The following ZP2 variants were observed in gnomAD, a reference collection of about 807,000 sequenced individuals.
ZP2 encodes the protein zona pellucida sperm-binding protein 2.
In ZP2, 51 loss-of-function variants were observed where a neutral mutation model predicts 84.0. The ratio of observed to expected loss-of-function variants is 0.61; its 90% confidence interval spans 0.49 to 0.77. The LOEUF is 0.77. Ranked by LOEUF, ZP2 falls within the 30% of genes least tolerant of loss-of-function variation. The probability of loss-of-function intolerance (pLI) is 0.00; values close to 1 mark genes in which losing one functional copy is unlikely to be tolerated. For synonymous variants in ZP2, 375 were observed against 330.9 expected, an observed-to-expected ratio of 1.13 and a Z score of -1.45; for missense variants, 909 against 911.9, an observed-to-expected ratio of 1.00 and a Z score of 0.04.
At chr16:21,214,108 G>T (rs8044116), upstream of ZP2, 247,117 of 411,678 alleles carry the variant, frequency 0.6, 75,034 homozygotes, top group Admixed American at 0.64. Context: ...CCCCAAATTT[G>T]GGGTTTCTAA....
At chr16:21,204,268 A>G (rs771799922) in intron 8 of ZP2, 40 bp downstream of exon 8, 2 of 1,613,930 alleles carry the variant, frequency 1.2e-6, no homozygotes, top group South Asian at 2.2e-5. Flanking sequence ...TTCTAGGACA[A>G]TGTCTCCCAC....
intron 10 of ZP2, 82 bp downstream of exon 10, chr16:21,203,043 C>G: frequency 6.6e-7 from 1 of 1,517,824 alleles, no homozygotes; most frequent in South Asian, 1.3e-5. Flanking sequence ...AGATCAGAAT[C>G]TGACCTTCTA....
At position 21,197,548 on chromosome 16, in the gene ZP2, C is replaced by T. The variant is rs751101421; in HGVS notation, c.2170G>A (p.Ala724Thr). Reference protein sequence around the residue: ...SKAVAAVAAFAGVVATLGFIY... With the variant: ...SKAVAAVAAFTGVVATLGFIY... ...AAGCCTAGAGTTGCCACCACACCTG[C>T]AAAGGCAGCCACAGCAGCCACAGCT... The change falls in exon 19 of 19, where the codon GCA becomes ACA. Residue 724 changes from alanine to threonine, a missense_variant. By Grantham distance (58) the Ala-to-Thr change is moderately conservative. Transcript: ENST00000574091. 2 of 1,614,064 alleles carry T rather than the reference C, an allele frequency of 1.2e-6. No homozygotes were observed. The highest frequency in any genetic ancestry group is 2.2e-5 in the East Asian group (1 of 44,900).
In ZP2 at chr16:21,211,359, C is replaced by T. The variant is rs773678734; in HGVS notation, c.99G>A (p.Val33=). 3.1e-6 allele frequency: 5 copies of T among 1,613,982 alleles called. No individual in the cohort carries two copies. In the African/African-American group the frequency reaches 5.3e-5, roughly 17 times the overall value. ...YRSISLFFAL[V]TSGNSIDVSQ... is the part of the protein sequence containing the mutation. ...AAACATCTATGGAGTTCCCTGAAGTCACAAGGGCGAAGAAGAGAGAAATCG... is the reference window on the plus strand; with the variant it reads ...AAACATCTATGGAGTTCCCTGAAGTTACAAGGGCGAAGAAGAGAGAAATCG... The change falls in exon 2 of 19, where the codon GTG becomes GTA. Residue 33 remains valine, a synonymous_variant. Transcript: ENST00000574091.
chr16:21,201,198 CA>C (rs1273389784), intron 14 of ZP2, among the ~76,000 whole-genome samples, 170 bp downstream of exon 14: 1 of 119,972 alleles, frequency 8.3e-6, no homozygotes, highest in Non-Finnish European at 1.7e-5. Context: ...GACCCCATCT[CA>C]AAACAAAAAA....
intron 7 of ZP2, among the ~76,000 whole-genome samples, 198 bp from the exon 8 acceptor site, chr16:21,204,602 G>A (rs1490972943): frequency 6.6e-6 from 1 of 152,238 alleles, no homozygotes; most frequent in Non-Finnish European, 1.5e-5. Flanking sequence ...CTGGAAGAAT[G>A]TTGTCTAGAT....
rs773028658 is a variant in ZP2 at position 21,202,021 on chromosome 16, G to A, written c.1290C>T (p.Phe430=). The change falls in exon 12 of 19, where the codon TTC becomes TTT. Residue 430 remains phenylalanine, a splice_region_variant and synonymous_variant. Transcript: ENST00000574091. ...TTTCATAGACGACTTTATCATCTTC[G>A]AACTTAAATGTCAGAGAAAGTGGGT... ...PLNGCGTRYK[F]EDDKVVYENE... is the part of the protein sequence containing the mutation. 15 of 1,613,712 alleles carry A rather than the reference G, an allele frequency of 9.3e-6. No homozygotes were observed. The highest frequency in any genetic ancestry group is 1.6e-4 in the Middle Eastern group (1 of 6,082).
At chr16:21,208,261 T>TGC (rs1352811901) in intron 4 of ZP2, among the ~76,000 whole-genome samples, 3 of 152,230 alleles carry the variant, frequency 2.0e-5, no homozygotes, top group Middle Eastern at 3.2e-3. Flanking sequence ...GGTTATGGCT[T>TGC]GCAGACCCTT....
chr16:21,206,548 A>G (rs1488967524), intron 5 of ZP2, among the ~76,000 whole-genome samples: 1 of 152,178 alleles, frequency 6.6e-6, no homozygotes, highest in Non-Finnish European at 1.5e-5. Context: ...TTGTCAGATG[A>G]TTAGTGTGAG....
intron 16 of ZP2, among the ~76,000 whole-genome samples, 179 bp from the exon 17 acceptor site, chr16:21,199,041 G>A (rs959001161): frequency 1.3e-5 from 2 of 152,176 alleles, no homozygotes; most frequent in African/African-American, 2.4e-5. Flanking sequence ...GGGGTTGGGT[G>A]TGGTGGCTCA....
At chr16:21,205,364 A>T (rs150064222) in intron 7 of ZP2, 56 bp downstream of exon 7, 36 of 1,582,874 alleles carry the variant, frequency 2.3e-5, no homozygotes, top group Non-Finnish European at 2.8e-5. Context: ...ATCATGCTTC[A>T]ATTTAGGAAT....
rs1288424131 is a variant in ZP2, at chr16:21,198,876, A to G, written c.1928-14T>C. On this transcript the variant is annotated splice_polypyrimidine_tract_variant and intron_variant, in intron 16 of 18. Coordinates refer to ENST00000574091, the MANE Select transcript of ZP2 (RefSeq NM_001376232.1). ...TGGCCCCTGTGGCTGGAGACAGATG[A>G]TCAAGTTTGTGTTTGGCCTCTGGAA... 8 of 1,612,484 alleles carry G rather than the reference A, an allele frequency of 5.0e-6. No homozygotes were observed. Among genetic ancestry groups the G allele is most frequent in the Admixed American group, 1.7e-5 (1 of 59,894 alleles).
chr16:21,209,227 A>C (rs1355533632), intron 4 of ZP2, among the ~76,000 whole-genome samples: 2 of 152,078 alleles, frequency 1.3e-5, no homozygotes, highest in Non-Finnish European at 2.9e-5. Flanking sequence ...AGGGCAATGG[A>C]GCAATCTCAG....
chr16:21,202,297 C>T lies in ZP2; in HGVS notation c.1100-6G>A, dbSNP rs756868667. 4.0e-6 allele frequency: 6 copies of T among 1,498,572 alleles called. No individual in the cohort carries two copies. Among genetic ancestry groups the T allele is most frequent in the Non-Finnish European group, 5.3e-6 (6 of 1,127,374 alleles). 92.8% of individuals were successfully genotyped at this position (1,498,572 alleles called of 1,614,324 possible). A position where few individuals can be genotyped will look rare whatever the true frequency, so the allele number is the denominator to read the frequency against. On this transcript the variant is annotated splice_region_variant and splice_polypyrimidine_tract_variant and intron_variant, in intron 10 of 18. Transcript: ENST00000574091. ...GGTGCACAGCTCCCCTGTAACTAGA[C>T]AGCGGTGAAAGTTTAGAGAAAATAA... is the stretch of plus-strand genomic sequence containing the variant.
At chr16:21,203,513 C>G (rs1024431654) in intron 9 of ZP2, among the ~76,000 whole-genome samples, 1 of 152,182 alleles carries the variant, frequency 6.6e-6, no homozygotes, top group African/African-American at 2.4e-5. Context: ...ATTAGCAGAT[C>G]AAATTCCAAA....
At chr16:21,208,620 A>G (rs922202629) in intron 4 of ZP2, among the ~76,000 whole-genome samples, 2 of 152,206 alleles carry the variant, frequency 1.3e-5, no homozygotes, top group Non-Finnish European at 1.5e-5. Context: ...ATTGCTCCTA[A>G]TATTCCTGAT....
intron 16 of ZP2, among the ~76,000 whole-genome samples, chr16:21,199,345 G>C (rs894841178): frequency 1.3e-5 from 1 of 77,620 alleles, no homozygotes; most frequent in Non-Finnish European, 2.4e-5. Context: ...AAAAAAAAAA[G>C]GATAGATTCT....
chr16:21,204,353 G>A lies in ZP2; in HGVS notation c.745C>T (p.Pro249Ser), dbSNP rs745316365. The change falls in exon 8 of 19, where the codon CCT becomes TCT. Residue 249 changes from proline to serine, a missense_variant. Coordinates refer to ENST00000574091, the MANE Select transcript of ZP2 (RefSeq NM_001376232.1). ...GAAGAGAAGATCACCTTCTGTCCAGGAGATATAAATGTAAGCTTCAGAGAC... is the reference window on the plus strand; with the variant it reads ...GAAGAGAAGATCACCTTCTGTCCAGAAGATATAAATGTAAGCTTCAGAGAC... ...MVSLKLTFIS[P>S]GQKVIFSSQA... is the part of the protein sequence containing the mutation. 1.9e-6 allele frequency: 3 copies of A among 1,613,900 alleles called. No homozygotes were observed. The African/African-American group carries it at 4.0e-5, about 22-fold the overall frequency.
intron 3 of ZP2, 47 bp from the exon 4 acceptor site, chr16:21,209,772 G>T: frequency 6.5e-7 from 1 of 1,548,300 alleles, no homozygotes; most frequent in East Asian, 2.2e-5. Flanking sequence ...GTACATTTCA[G>T]TGACAGTCCA....
Sources: allele counts gnomAD v4.1 joint callset (sites outside exome capture counted in the v4.1 genomes callset), GRCh38; gene constraint gnomAD v4.1.1; transcripts MANE v1.5; gene names NCBI Gene and HGNC (gene_info 2026-07-23, HGNC 2026-07-21).